Variants in PCDH15 observed in about 807,000 individuals in gnomAD.
The protein encoded by PCDH15 is protocadherin-15.
Under a neutral mutation model 178.5 loss-of-function variants are expected in PCDH15, and 129 were observed. The ratio of observed to expected loss-of-function variants is 0.72; its 90% CI spans 0.63 to 0.84. PCDH15 has a LOEUF of 0.84. Ranked by LOEUF, PCDH15 falls within the 40% of genes least tolerant of loss-of-function variation. The pLI is 0.00. For synonymous variants in PCDH15, 800 were observed against 732.0 expected (o/e 1.09, Z -1.50); for missense variants, 2,230 against 2,099.9 (o/e 1.06, Z -1.21).
Position 53,968,146 on chromosome 10 carries a change from C to A in PCDH15, c.2869-6254G>T, listed in dbSNP as rs1298643882. 1.3e-5 allele frequency among the ~76,000 whole-genome samples: 2 copies of A among 152,170 alleles called. 1 individual carries two copies. Among genetic ancestry groups the A allele is most frequent in the African/African-American group, 4.8e-5 (2 of 41,426 alleles). ...ATGGTACCTGGAAAATTGGTACACTCCCACTCTAATACTGCGCTTTTCCAA... is the reference window on the plus strand; with the variant it reads ...ATGGTACCTGGAAAATTGGTACACTACCACTCTAATACTGCGCTTTTCCAA... On this transcript the variant is annotated intron_variant, in intron 21 of 37. Coordinates refer to ENST00000644397, the MANE Select transcript of PCDH15 (RefSeq NM_001384140.1).
At chr10:53,833,795 G>T (rs2077148031) in intron 29 of PCDH15, among the ~76,000 whole-genome samples, 1 of 151,646 alleles carries the variant, frequency 6.6e-6, no homozygotes, top group Non-Finnish European at 1.5e-5. Flanking sequence ...AATATATTTT[G>T]ATCTCTTTTA....
intron 9 of PCDH15, among the ~76,000 whole-genome samples, chr10:54,224,950 C>T (rs1019431381): frequency 3.3e-5 from 5 of 151,990 alleles, no homozygotes; most frequent in Admixed American, 1.3e-4. Flanking sequence ...ATTTTCTTAT[C>T]GAAAATGTTT....
chr10:54,650,091 G>A (rs2094220718), intron 2 of PCDH15, among the ~76,000 whole-genome samples: 1 of 152,086 alleles, frequency 6.6e-6, no homozygotes, highest in African/African-American at 2.4e-5. Context: ...ATTATAAAGG[G>A]AAAGATGGAC....
At chr10:55,527,808 A>G (rs1215461214) in intron 2 of PCDH15, among the ~76,000 whole-genome samples, 2 of 152,058 alleles carry the variant, frequency 1.3e-5, no homozygotes, top group East Asian at 3.9e-4. Context: ...AAGTGCATCC[A>G]TTATTAAAAA....
chr10:55,153,538 A>T (rs1838795299), intron 2 of PCDH15, among the ~76,000 whole-genome samples: 1 of 152,182 alleles, frequency 6.6e-6, no homozygotes, highest in Admixed American at 6.6e-5. Context: ...AGCAGAAGCT[A>T]GAAGTCATAC....
At chr10:54,720,605 A>G (rs11004491) in intron 1 of PCDH15, among the ~76,000 whole-genome samples, 18,452 of 151,966 alleles carry the variant, frequency 0.12, 1,252 homozygotes, top group African/African-American at 0.17. Context: ...GACAAACGAA[A>G]GGAATTCATT....
intron 2 of PCDH15, among the ~76,000 whole-genome samples, chr10:54,639,306 G>C (rs1590749829): frequency 6.6e-6 from 1 of 152,142 alleles, no homozygotes; most frequent in East Asian, 1.9e-4. Flanking sequence ...CATGACCTCA[G>C]AAGAATCTAT....
At chr10:55,413,806 A>AT (rs138948137) in intron 2 of PCDH15, among the ~76,000 whole-genome samples, 4 of 151,330 alleles carry the variant, frequency 2.6e-5, no homozygotes, top group African/African-American at 7.2e-5. Context: ...GCTCGGAAAT[A>AT]TTTTTTTTAG....
At chr10:54,199,228 T>A (rs1446445750) in intron 10 of PCDH15, among the ~76,000 whole-genome samples, 1 of 152,162 alleles carries the variant, frequency 6.6e-6, no homozygotes, top group Non-Finnish European at 1.5e-5. Context: ...TGTTTCAATT[T>A]GCTGACCAGA....
At chr10:54,442,390 T>TTA (rs2075846426) in intron 3 of PCDH15, among the ~76,000 whole-genome samples, 1 of 26,598 alleles carries the variant, frequency 3.8e-5, no homozygotes, top group African/African-American at 1.2e-4. Flanking sequence ...CCTTTTTTTT[T>TTA]AAAAAAAAAA....
chr10:54,491,533 G>T (rs970671062), intron 3 of PCDH15, among the ~76,000 whole-genome samples: 6 of 152,084 alleles, frequency 3.9e-5, no homozygotes, highest in Non-Finnish European at 8.8e-5. Flanking sequence ...AAAGTAATAA[G>T]TTCTTAAGAG....
At chr10:54,792,138 T>G (rs1293639145) in intron 1 of PCDH15, among the ~76,000 whole-genome samples, 6 of 151,838 alleles carry the variant, frequency 4.0e-5, no homozygotes, top group African/African-American at 1.4e-4. Context: ...GGAATATAGA[T>G]GCAGGTCCAA....
At chr10:54,094,923 T>A (rs561763872) in intron 15 of PCDH15, among the ~76,000 whole-genome samples, 1 of 152,126 alleles carries the variant, frequency 6.6e-6, no homozygotes, top group Non-Finnish European at 1.5e-5. Flanking sequence ...GAAGCAGTGT[T>A]CTTAGACACT....
chr10:54,408,127 T>C lies in PCDH15; in HGVS notation c.158-29185A>G, dbSNP rs138873914. On this transcript the variant is annotated intron_variant, in intron 3 of 37. Coordinates refer to ENST00000644397, the MANE Select transcript of PCDH15 (RefSeq NM_001384140.1). ...CTTCCTCTAAGGTAACCCTAGGAGT[T>C]TTCTTCACTATATTTAGGAACATAA... Among the ~76,000 whole-genome samples, 232 of 151,456 alleles carry C rather than the reference T, an allele frequency of 1.5e-3. 1 individual carries two copies. The highest frequency in any genetic ancestry group is 5.5e-3 in the African/African-American group (226 of 41,282).
chr10:55,186,713 A>C (rs1191332477), intron 1 of PCDH15, among the ~76,000 whole-genome samples: 1 of 151,090 alleles, frequency 6.6e-6, no homozygotes, highest in Non-Finnish European at 1.5e-5. Flanking sequence ...TAGAACTACC[A>C]GTCTTTAACA....
At chr10:55,020,775 T>C (rs146186928) in intron 2 of PCDH15, among the ~76,000 whole-genome samples, 204 of 152,292 alleles carry the variant, frequency 1.3e-3, no homozygotes, top group African/African-American at 4.5e-3. Flanking sequence ...AGATCTTAAC[T>C]GTAAAGGTTT....
intron 2 of PCDH15, among the ~76,000 whole-genome samples, chr10:54,974,390 C>A (rs1839015013): frequency 6.6e-6 from 1 of 151,708 alleles, no homozygotes; most frequent in Admixed American, 6.6e-5. Context: ...CTATGCTTCA[C>A]TAAGAAAGCT....
chr10:54,098,216 G>A (rs2094737895), intron 15 of PCDH15, among the ~76,000 whole-genome samples: 1 of 151,648 alleles, frequency 6.6e-6, no homozygotes, highest in African/African-American at 2.4e-5. Flanking sequence ...GTGTGTGTGT[G>A]TGTGTGTGTG....
At chr10:54,138,050 G>A (rs73241715) in intron 14 of PCDH15, among the ~76,000 whole-genome samples, 2,566 of 152,176 alleles carry the variant, frequency 0.017, 82 homozygotes, top group African/African-American at 0.059. Flanking sequence ...ATCTGCACCC[G>A]GATAGGTGAG....
Sources: gnomAD v4.1 joint callset for allele counts (sites outside exome capture counted in the v4.1 genomes callset) on GRCh38, gnomAD v4.1.1 for gene constraint, MANE v1.5 for transcripts, NCBI Gene and HGNC (gene_info 2026-07-23, HGNC 2026-07-21) for gene names.